Variants in SEC24B observed in about 807,000 individuals in gnomAD.
The protein encoded by SEC24B is protein transport protein Sec24B.
In SEC24B, 45 loss-of-function variants were observed where a neutral mutation model predicts 142.8. The ratio of observed to expected loss-of-function variants is 0.32; its 90% CI spans 0.25 to 0.40. SEC24B has a LOEUF of 0.40. SEC24B is among the 10% of genes least tolerant of loss of function. SEC24B has a pLI of 1.00. For synonymous variants in SEC24B, 574 were observed against 568.2 expected, an observed-to-expected ratio of 1.01 and a Z score of -0.15; for missense variants, 1,409 against 1,526.8, an observed-to-expected ratio of 0.92 and a Z score of 1.29.
rs748298454 is a variant in SEC24B at position 109,463,326 on chromosome 4, A to G, written c.559A>G (p.Thr187Ala). 29 of 1,614,082 alleles carry G rather than the reference A, an allele frequency of 1.8e-5. No individual in the cohort carries two copies. Among genetic ancestry groups the G allele is most frequent in the Admixed American group, 1.0e-4 (6 of 60,004 alleles). The change falls in exon 2 of 24, where the codon ACT (threonine) becomes GCT (alanine). Residue 187 changes from threonine (T) to alanine (A), a missense_variant. This residue lies in a region of SEC24B where 709 missense variants were observed against 673.5 expected (regional missense o/e 1.05). Transcript: ENST00000265175. ...PSTCGHYAMS[T>A]VSNAAYPSVS... is the part of the protein sequence containing the mutation. The stretch of plus-strand genomic sequence containing the variant: ...TACTTGTGGTCATTATGCTATGTCA[A>G]CTGTTTCTAATGCCGCGTATCCTAG...
At chr4:109,442,405 T>G (rs1385532832) in intron 1 of SEC24B, among the ~76,000 whole-genome samples, 1 of 152,234 alleles carries the variant, frequency 6.6e-6, no homozygotes, top group African/African-American at 2.4e-5. Context: ...ATTGTTAAAA[T>G]GAATACCTGG....
chr4:109,435,354 G>A (rs1728307399), intron 1 of SEC24B, among the ~76,000 whole-genome samples: 1 of 152,154 alleles, frequency 6.6e-6, no homozygotes, highest in Admixed American at 6.5e-5. Context: ...AGCAGTGTTT[G>A]TTCTTGTAAC....
chr4:109,463,540 G>C lies in SEC24B; in HGVS notation c.773G>C (p.Ser258Thr), dbSNP rs1202080362. ...HHQQQSLSGY[S>T]TLTWSSPGLP... ...CAGCAGCAAAGTCTTTCAGGATACA[G>C]TACTCTAACGTGGTCATCTCCAGGC... is the stretch of plus-strand genomic sequence containing the variant. The change falls in exon 2 of 24, where the codon AGT (serine) becomes ACT (threonine). Residue 258 changes from serine (S) to threonine (T), a missense_variant. This residue lies in a region of SEC24B where 709 missense variants were observed against 673.5 expected (regional missense o/e 1.05). Transcript: ENST00000265175. The C allele has an allele frequency of 5.0e-6, 8 of 1,614,040 alleles. No individual in the cohort carries two copies. Among genetic ancestry groups the C allele is most frequent in the Middle Eastern group, 1.6e-4 (1 of 6,084 alleles).
At chr4:109,448,227 T>C (rs1729665359) in intron 1 of SEC24B, among the ~76,000 whole-genome samples, 1 of 152,172 alleles carries the variant, frequency 6.6e-6, no homozygotes, top group Non-Finnish European at 1.5e-5. Context: ...ATATGTTTTA[T>C]TGGTCATGTT....
rs547841093 is a variant in SEC24B, at chr4:109,478,770, T to C, written c.1061-2907T>C. Among the ~76,000 whole-genome samples, 14 of 152,368 alleles carry C rather than the reference T, an allele frequency of 9.2e-5. No individual in the cohort carries two copies. In the South Asian group the frequency reaches 2.7e-3, roughly 29 times the overall value. ...TTAGGATAAACTAAGGTCATGTGTTTCCTTTGTAAAATAAAAGAAAGGCTG... is the reference window on the plus strand; with the variant it reads ...TTAGGATAAACTAAGGTCATGTGTTCCCTTTGTAAAATAAAAGAAAGGCTG... On this transcript the variant is annotated intron_variant, in intron 3 of 23. Coordinates refer to ENST00000265175, the MANE Select transcript of SEC24B (RefSeq NM_006323.5).
At chr4:109,539,325 C>T (rs1383959740) in intron 23 of SEC24B, among the ~76,000 whole-genome samples, 5 of 150,800 alleles carry the variant, frequency 3.3e-5, no homozygotes, top group Non-Finnish European at 7.4e-5. Flanking sequence ...CCAGGCTGGT[C>T]TTAAACTTCT....
chr4:109,520,559 C>A, intron 12 of SEC24B, 75 bp downstream of exon 12: 1 of 822,606 alleles, frequency 1.2e-6, no homozygotes, highest in Non-Finnish European at 2.1e-6. Flanking sequence ...TAATATACAC[C>A]TTGCTATATG....
intron 4 of SEC24B, among the ~76,000 whole-genome samples, chr4:109,482,045 A>G (rs1240789223): frequency 6.6e-6 from 1 of 152,182 alleles, no homozygotes; most frequent in East Asian, 1.9e-4. Flanking sequence ...TCAGAAATGC[A>G]TTTTCTCCCA....
At chr4:109,462,469 C>G (rs1731361625) in intron 1 of SEC24B, among the ~76,000 whole-genome samples, 2 of 152,142 alleles carry the variant, frequency 1.3e-5, no homozygotes, top group Admixed American at 6.5e-5. Context: ...TGGTTGTTGG[C>G]AGATCTTAGT....
Position 109,473,070 on chromosome 4 carries a change from C to A in SEC24B, c.944C>A (p.Ser315Tyr). The A allele has an allele frequency of 6.2e-7, 1 of 1,605,980 alleles. No individual in the cohort carries two copies. The change falls in exon 3 of 24, where the codon TCC becomes TAC. Residue 315 changes from serine (S) to tyrosine (Y), a missense_variant. Ser to Tyr is a moderately radical substitution (Grantham distance 144). This residue lies in a region of SEC24B where 709 missense variants were observed against 673.5 expected (regional missense o/e 1.05). Transcript: ENST00000265175. ...VQPPKSSPVV[S>Y]TVLSGSSGSS... ...CCTCCCAAGTCCAGCCCAGTGGTAT[C>A]CACTGTTTTATCAGGATCCTCAGGA...
rs2125933836 is a variant in SEC24B at position 109,463,422 on chromosome 4, G to A, written c.655G>A (p.Val219Ile). ...GTTTACCTCACAGAATGCTCCGACT[G>A]TTAGGCCAGTTAAAGATAATTCATT... The part of the protein sequence containing the change: ...QMFTSQNAPT[V>I]RPVKDNSFSG... The change falls in exon 2 of 24, where the codon GTT becomes ATT. Residue 219 changes from valine (V) to isoleucine (I), a missense_variant. Val to Ile is a conservative substitution (Grantham distance 29). This residue lies in a region of SEC24B where 709 missense variants were observed against 673.5 expected (regional missense o/e 1.05). Coordinates refer to ENST00000265175, the MANE Select transcript of SEC24B (RefSeq NM_006323.5). 6.2e-7 allele frequency: 1 copy of A among 1,614,204 alleles called. No individual in the cohort carries two copies. The highest frequency in any genetic ancestry group is 1.3e-5 in the African/African-American group (1 of 75,050).
intron 14 of SEC24B, among the ~76,000 whole-genome samples, chr4:109,523,110 A>G (rs142005524): frequency 0.016 from 2,458 of 152,172 alleles, 30 homozygotes; most frequent in Middle Eastern, 0.034. Flanking sequence ...GGCTGAGGCT[A>G]GAGGATCATT....
chr4:109,528,453 A>G (rs1286909463), intron 18 of SEC24B, among the ~76,000 whole-genome samples: 1 of 151,544 alleles, frequency 6.6e-6, no homozygotes, highest in South Asian at 2.1e-4. Flanking sequence ...AAAAAGCTAC[A>G]TACAAATGAT....
chr4:109,501,578 C>A (rs781191770), intron 6 of SEC24B, among the ~76,000 whole-genome samples: 4 of 152,202 alleles, frequency 2.6e-5, no homozygotes, highest in Non-Finnish European at 4.4e-5. Flanking sequence ...TCAAGCAATT[C>A]TCTTGCCTCA....
intron 4 of SEC24B, among the ~76,000 whole-genome samples, chr4:109,489,182 A>G (rs6856446): frequency 0.17 from 26,519 of 151,904 alleles, 2,613 homozygotes; most frequent in African/African-American, 0.27. Context: ...TCATTTAGTC[A>G]TGAAGATTTA....
chr4:109,526,458 G>T, intron 17 of SEC24B, 59 bp downstream of exon 17: 1 of 1,279,176 alleles, frequency 7.8e-7, no homozygotes, highest in Middle Eastern at 2.0e-4. Flanking sequence ...CCTTTCACAT[G>T]GCCTTTAGTG....
intron 4 of SEC24B, among the ~76,000 whole-genome samples, chr4:109,486,953 T>G (rs1436843115): frequency 1.3e-5 from 2 of 151,890 alleles, no homozygotes; most frequent in African/African-American, 4.8e-5. Flanking sequence ...TCACCTGAGG[T>G]CAGGAGTTTG....
Position 109,506,308 on chromosome 4 carries a change from GT to G in SEC24B, c.1489-16del. The stretch of plus-strand genomic sequence containing the variant: ...TTATGTTTTATTGTTCTTTTATTTT[GT>G]TTTGAATTGCTCTTTCAGCAGTATC... On this transcript the variant is annotated intron_variant, in intron 6 of 23. Transcript: ENST00000265175. The G allele has an allele frequency of 6.8e-7, 1 of 1,467,740 alleles. No individual in the cohort carries two copies. Among genetic ancestry groups the G allele is most frequent in the Non-Finnish European group, 9.0e-7 (1 of 1,107,128 alleles). 90.9% of individuals were successfully genotyped at this position (1,467,740 alleles called of 1,614,324 possible). A position where few individuals can be genotyped will look rare whatever the true frequency, so the allele number is the denominator to read the frequency against.
In SEC24B at chr4:109,475,793, A is replaced by G. The variant is rs564068967; in HGVS notation, c.1060+2607A>G. On this transcript the variant is annotated intron_variant, in intron 3 of 23. Coordinates refer to ENST00000265175, the MANE Select transcript of SEC24B (RefSeq NM_006323.5). ...ATTTTTCATTTTTCTATTTGATGGC[A>G]TATCCCCTTTCCTTAATGTAATAAT... 9.2e-5 allele frequency among the ~76,000 whole-genome samples: 14 copies of G among 152,214 alleles called. No individual in the cohort carries two copies. The South Asian group carries it at 2.5e-3, about 27-fold the overall frequency.
Sources: allele counts gnomAD v4.1 joint callset (sites outside exome capture counted in the v4.1 genomes callset), GRCh38; gene constraint gnomAD v4.1.1; regional missense constraint gnomAD v4.1.1; transcripts MANE v1.5; gene names NCBI Gene and HGNC (gene_info 2026-07-23, HGNC 2026-07-21).